The following KCNN1 variants were observed in gnomAD, a reference collection of about 807,000 sequenced individuals.
The protein encoded by KCNN1 is potassium calcium-activated channel subfamily N member 1.
In KCNN1, 20 loss-of-function variants were observed where a neutral mutation model predicts 44.7. The ratio of observed to expected loss-of-function variants is 0.45; its 90% CI spans 0.32 to 0.65. KCNN1 has a LOEUF of 0.65. Ranked by LOEUF, KCNN1 falls within the 30% of genes least tolerant of loss-of-function variation. The pLI, the probability that KCNN1 is intolerant of heterozygous loss-of-function variation, is 0.05. For missense variants in KCNN1, 632 were observed against 785.3 expected (o/e 0.80, Z 2.33); for synonymous variants, 324 against 341.7 (o/e 0.95, Z 0.57).
At chr19:17,996,899 C>T (rs1390748419) in intron 9 of KCNN1, among the ~76,000 whole-genome samples, 1 of 152,198 alleles carries the variant, frequency 6.6e-6, no homozygotes. Flanking sequence ...GGGTGGGCAC[C>T]TCGTCCTGTC....
In KCNN1 at chr19:17,993,679, C is replaced by T. The variant is rs1327928381; in HGVS notation, c.1377+120C>T. ...ACCCGCTGTGGGCTGAGTGCAGTGG[C>T]GGGCGGATCGCTTGAGCTCAGGAGT... On this transcript the variant is annotated intron_variant, in intron 9 of 9. Coordinates refer to ENST00000684775, the MANE Select transcript of KCNN1 (RefSeq NM_001386974.1). This position sits in a 1 kb window ranked among gnomAD's most constrained non-coding sequence, Gnocchi z 4.5. 2.5e-5 allele frequency: 19 copies of T among 769,574 alleles called. No individual in the cohort carries two copies. Among genetic ancestry groups the T allele is most frequent in the African/African-American group, 3.4e-5 (2 of 58,506 alleles). The allele number at this position is 769,574 out of a possible 1,614,324, so 47.7% of individuals were successfully genotyped here.
chr19:17,972,965 A>G (rs2032073030), intron 1 of KCNN1, among the ~76,000 whole-genome samples: 1 of 152,164 alleles, frequency 6.6e-6, no homozygotes, highest in Non-Finnish European at 1.5e-5. Context: ...GGCAGAGGGC[A>G]CAGCCTGTGC....
In KCNN1 at chr19:17,974,030, A is replaced by G; in HGVS notation, c.142A>G (p.Lys48Glu). 1 of 1,607,186 alleles carries G rather than the reference A, an allele frequency of 6.2e-7. No individual in the cohort carries two copies. The highest frequency in any genetic ancestry group is 8.5e-7 in the Non-Finnish European group (1 of 1,177,860). ...HSPGLQVVVAKSEPARPSPGS... is the reference protein window; with the variant it reads ...HSPGLQVVVAESEPARPSPGS... ...CCCGGGCCTCCAGGTGGTAGTGGCC[A>G]AGAGTGAGCCAGCCCGGCCCTCACC... The change falls in exon 2 of 10, where the codon AAG becomes GAG. Residue 48 changes from lysine (K) to glutamate (E), a missense_variant. Coordinates refer to ENST00000684775, the MANE Select transcript of KCNN1 (RefSeq NM_001386974.1). This position sits in a 1 kb window ranked among gnomAD's most constrained non-coding sequence, Gnocchi z 7.3.
upstream of KCNN1, among the ~76,000 whole-genome samples, chr19:17,965,094 G>A (rs1240692742): frequency 1.3e-5 from 2 of 151,874 alleles, no homozygotes; most frequent in Admixed American, 6.6e-5. Context: ...GTGAAACCCC[G>A]TCTCTACTAA....
Position 17,989,779 on chromosome 19 carries a change from G to T in KCNN1, c.1234G>T (p.Val412Leu). 1 of 1,613,946 alleles carries T rather than the reference G, an allele frequency of 6.2e-7. No homozygotes were observed. Among genetic ancestry groups the T allele is most frequent in the Non-Finnish European group, 8.5e-7 (1 of 1,179,876 alleles). ...TWLIYKHTRL[V>L]KKPDQARVRK... ...GCTCATCTACAAACATACCAGGCTG[G>T]TGAAGAAGCCAGACCAAGCCCGGGT... The change falls in exon 7 of 10, where the codon GTG (valine) becomes TTG (leucine). Residue 412 changes from valine to leucine, a missense_variant. Around this residue, in one of 3 missense-constraint regions of KCNN1, gnomAD observed 237 missense variants for 253.0 expected, o/e 0.94. Coordinates refer to ENST00000684775, the MANE Select transcript of KCNN1 (RefSeq NM_001386974.1).
chr19:17,975,576 A>G (rs2032179898), intron 3 of KCNN1, among the ~76,000 whole-genome samples: 1 of 151,992 alleles, frequency 6.6e-6, no homozygotes, highest in Non-Finnish European at 1.5e-5. Flanking sequence ...GCATGGCACC[A>G]CACCTTGCTA....
chr19:17,999,849 A>G lies in KCNN1; in HGVS notation c.*1443A>G, dbSNP rs2145989016. ...TAACTAGGCCGTGGCTGGTGCATGAATGACCAGCTTGGGCCCACGCACGAG... is the reference window on the plus strand; with the variant it reads ...TAACTAGGCCGTGGCTGGTGCATGAGTGACCAGCTTGGGCCCACGCACGAG... On this transcript the variant is annotated 3_prime_UTR_variant, in exon 10 of 10. Transcript: ENST00000684775. The G allele has an allele frequency of 2.5e-6, 1 of 398,496 alleles. No homozygotes were observed. The highest frequency in any genetic ancestry group is 5.1e-6 in the Non-Finnish European group (1 of 196,944). 24.7% of individuals were successfully genotyped at this position (398,496 alleles called of 1,614,324 possible). A position where few individuals can be genotyped will look rare whatever the true frequency, so the allele number is the denominator to read the frequency against.
chr19:17,980,064 C>CT (rs71164336), intron 3 of KCNN1, among the ~76,000 whole-genome samples: 48,487 of 137,670 alleles, frequency 0.35, 8,681 homozygotes, highest in East Asian at 0.44. Flanking sequence ...CTTTTTCTTT[C>CT]TTTTTTTTTT....
rs763981878 is a variant in KCNN1, at chr19:17,988,522, G to A, written c.1167G>A (p.Lys389=). ...TCATGATGGACACTCAGCTCACCAA[G>A]CGGGTGAGGACCGCGGTTCCCATGG... ...HNFMMDTQLT[K]RVKNAAANVL... The change falls in exon 6 of 10, where the codon AAG becomes AAA. Residue 389 remains lysine, a synonymous_variant. Coordinates refer to ENST00000684775, the MANE Select transcript of KCNN1 (RefSeq NM_001386974.1). 1.9e-6 allele frequency: 3 copies of A among 1,611,844 alleles called. No homozygotes were observed. Among genetic ancestry groups the A allele is most frequent in the South Asian group, 2.2e-5 (2 of 90,962 alleles).
intron 2 of KCNN1, among the ~76,000 whole-genome samples, chr19:17,961,706 C>G (rs541704547): frequency 6.6e-6 from 1 of 151,884 alleles, no homozygotes; most frequent in Non-Finnish European, 1.5e-5. Flanking sequence ...CTCAGCACCC[C>G]CTAGTAGCTG....
At chr19:17,970,303 T>A (rs1198292925) in intron 1 of KCNN1, among the ~76,000 whole-genome samples, 1 of 42,566 alleles carries the variant, frequency 2.3e-5, no homozygotes, top group Non-Finnish European at 4.4e-5. Context: ...TTTTTTTTTT[T>A]TTTTTTTTTT....
At position 17,993,354 on chromosome 19, in the gene KCNN1, G is replaced by C. The variant is rs1212805622; in HGVS notation, c.1308-136G>C. On this transcript the variant is annotated intron_variant, in intron 8 of 9. Transcript: ENST00000684775. The surrounding 1 kb of genome is among the most constrained non-coding windows in gnomAD (Gnocchi z 4.5). ...GGGAGGGAATAGACTACAGGGAATC[G>C]GCCTCCCAACTCCCACCTCATCCTC... 2.8e-6 allele frequency: 2 copies of C among 724,738 alleles called. No homozygotes were observed. Among genetic ancestry groups the C allele is most frequent in the Non-Finnish European group, 2.4e-6 (1 of 410,656 alleles). 44.9% of individuals were successfully genotyped at this position (724,738 alleles called of 1,614,324 possible).
Position 17,983,237 on chromosome 19 carries a change from G to A in KCNN1, c.917+1110G>A, listed in dbSNP as rs949642597. 2.6e-5 allele frequency among the ~76,000 whole-genome samples: 4 copies of A among 152,088 alleles called. No individual in the cohort carries two copies. Among genetic ancestry groups the A allele is most frequent in the Admixed American group, 1.3e-4 (2 of 15,280 alleles). On this transcript the variant is annotated intron_variant, in intron 4 of 9. Transcript: ENST00000684775. This position sits in a 1 kb window ranked among gnomAD's most constrained non-coding sequence, Gnocchi z 4.5. ...CAGGAGGGGCTCCGCCAGGCCTGGGGTGTGAGGGTGCCTTATCTGGGAGAG... is the reference window on the plus strand; with the variant it reads ...CAGGAGGGGCTCCGCCAGGCCTGGGATGTGAGGGTGCCTTATCTGGGAGAG...
chr19:17,982,701 C>T (rs890153918), intron 4 of KCNN1: 1 of 689,662 alleles, frequency 1.4e-6, no homozygotes, highest in Non-Finnish European at 1.8e-6. Context: ...AGAACGGGCC[C>T]GGCGGGGTGG....
At chr19:17,978,424 G>GT (rs936725904) in intron 3 of KCNN1, among the ~76,000 whole-genome samples, 20,650 of 117,042 alleles carry the variant, frequency 0.18, 1,960 homozygotes, top group East Asian at 0.37. Context: ...TGCCCAGCCT[G>GT]TTTTTTTTTT....
At chr19:17,964,646 C>T (rs1039523218), upstream of KCNN1, among the ~76,000 whole-genome samples, 1 of 152,212 alleles carries the variant, frequency 6.6e-6, no homozygotes, top group South Asian at 2.1e-4. The surrounding 1 kb of genome is among the most constrained non-coding windows in gnomAD (Gnocchi z 4.3). Flanking sequence ...ACAGCCCCCA[C>T]CAGAAGTCCC....
chr19:17,996,497 T>G (rs1271916407), intron 9 of KCNN1, among the ~76,000 whole-genome samples: 1 of 152,082 alleles, frequency 6.6e-6, no homozygotes, highest in African/African-American at 2.4e-5. Context: ...TCTCAGCTAC[T>G]TGGGAGGCTG....
At chr19:17,957,012 A>G (rs1009802521) in intron 2 of KCNN1, among the ~76,000 whole-genome samples, 6 of 150,810 alleles carry the variant, frequency 4.0e-5, no homozygotes, top group African/African-American at 1.5e-4. Flanking sequence ...AAATTGCAGC[A>G]CTGCACTCCA....
chr19:17,958,361 C>T (rs887027842), intron 2 of KCNN1, among the ~76,000 whole-genome samples: 1 of 152,010 alleles, frequency 6.6e-6, no homozygotes, highest in Non-Finnish European at 1.5e-5. Context: ...ACACGTAGCC[C>T]CAGCTACTCA....
Sources: allele counts gnomAD v4.1 joint callset (sites outside exome capture counted in the v4.1 genomes callset), GRCh38; gene constraint gnomAD v4.1.1; regional missense constraint gnomAD v4.1.1; non-coding constraint Gnocchi (gnomAD v3.1); transcripts MANE v1.5; gene names NCBI Gene and HGNC (gene_info 2026-07-23, HGNC 2026-07-21).